The following ARHGAP17 variants were observed in gnomAD, a reference collection of about 807,000 sequenced individuals.
The protein encoded by ARHGAP17 is Rho GTPase activating protein 17.
In ARHGAP17, 57 loss-of-function variants were observed where a neutral mutation model predicts 99.5. The observed-to-expected ratio is 0.57, with a 90% CI of 0.46 to 0.71. ARHGAP17 has a LOEUF of 0.71. Among genes scored for constraint, ARHGAP17 ranks in the 30% least tolerant of loss-of-function variants. The pLI is 0.00. For missense variants in ARHGAP17, 1,000 were observed against 1,122.4 expected (o/e 0.89, Z 1.56); for synonymous variants, 417 against 429.6 (o/e 0.97, Z 0.36).
intron 4 of ARHGAP17, among the ~76,000 whole-genome samples, chr16:24,970,054 T>TAA (rs200930789): frequency 9.8e-5 from 14 of 143,292 alleles, no homozygotes; most frequent in South Asian, 2.3e-4. Flanking sequence ...ATGACAATTG[T>TAA]AAAAAAAAAA....
At chr16:24,930,711 C>A in intron 19 of ARHGAP17, 73 bp downstream of exon 19, 1 of 1,613,594 alleles carries the variant, frequency 6.2e-7, no homozygotes, top group Non-Finnish European at 8.5e-7. Context: ...TAAATCAAAG[C>A]TTAAATAAAA....
At chr16:24,990,142 G>A (rs1303938793) in intron 1 of ARHGAP17, among the ~76,000 whole-genome samples, 1 of 152,120 alleles carries the variant, frequency 6.6e-6, no homozygotes, top group Admixed American at 6.6e-5. Context: ...AAACATTGCA[G>A]CCAACTAAAG....
In ARHGAP17 at chr16:24,935,461, G is replaced by T. The variant is rs777877968; in HGVS notation, c.1894+9C>A. Reference sequence around the variant, plus strand: ...TTCCCTGAGGGCAAGGAGGACGGTGGCTGCTTACCTCGGCGCAGTGTATGC... The same window carrying T: ...TTCCCTGAGGGCAAGGAGGACGGTGTCTGCTTACCTCGGCGCAGTGTATGC... On this transcript the variant is annotated intron_variant, in intron 18 of 19. Transcript: ENST00000289968. The T allele has an allele frequency of 2.8e-5, 45 of 1,579,058 alleles. No individual in the cohort carries two copies. The highest frequency in any genetic ancestry group is 3.8e-5 in the Non-Finnish European group (44 of 1,161,854).
At chr16:24,938,676 G>T (rs2051211640) in intron 17 of ARHGAP17, among the ~76,000 whole-genome samples, 1 of 151,510 alleles carries the variant, frequency 6.6e-6, no homozygotes, top group African/African-American at 2.4e-5. Flanking sequence ...GGAGGCTTAG[G>T]TAGGAGGATT....
At chr16:24,982,966 A>AT (rs1491445062) in intron 1 of ARHGAP17, among the ~76,000 whole-genome samples, 1 of 18,254 alleles carries the variant, frequency 5.5e-5, no homozygotes, top group Non-Finnish European at 1.1e-4. Context: ...TTGATAAATC[A>AT]TATATATATA....
chr16:24,931,513 T>C (rs1032138637), intron 18 of ARHGAP17, 109 bp from the exon 19 acceptor site: 48 of 1,156,258 alleles, frequency 4.2e-5, no homozygotes, highest in Admixed American at 1.0e-4. Flanking sequence ...ACCAGCATCA[T>C]GTACCTCTGA....
chr16:24,926,244 A>T (rs1188845233), intron 19 of ARHGAP17, among the ~76,000 whole-genome samples: 1 of 152,154 alleles, frequency 6.6e-6, no homozygotes, highest in Admixed American at 6.6e-5. Context: ...CCATTTCTCA[A>T]GAGTTTTAAT....
chr16:24,977,132 C>T (rs2052542541), intron 3 of ARHGAP17, 83 bp downstream of exon 3: 1 of 1,163,802 alleles, frequency 8.6e-7, no homozygotes, highest in Non-Finnish European at 1.1e-6. Context: ...ACTGATGCCA[C>T]TTAGGACAAC....
intron 1 of ARHGAP17, among the ~76,000 whole-genome samples, chr16:24,985,960 A>G (rs1455141355): frequency 1.3e-5 from 2 of 152,178 alleles, no homozygotes; most frequent in African/African-American, 2.4e-5. Context: ...ACATTAACCT[A>G]TTCTGTGGAT....
intron 1 of ARHGAP17, among the ~76,000 whole-genome samples, chr16:24,986,223 C>T (rs1449562078): frequency 6.6e-6 from 1 of 152,204 alleles, no homozygotes; most frequent in Non-Finnish European, 1.5e-5. Context: ...ATTCTCACAT[C>T]AACCCTATTG....
chr16:24,927,706 T>G (rs1365528667), intron 19 of ARHGAP17: 58 of 1,223,830 alleles, frequency 4.7e-5, no homozygotes, highest in Non-Finnish European at 4.2e-6. Flanking sequence ...CAATCTCAGT[T>G]CTTACTGAAT....
chr16:24,920,138 C>T lies in ARHGAP17; in HGVS notation c.2638G>A (p.Ala880Thr), dbSNP rs1348191228. 1.9e-6 allele frequency: 3 copies of T among 1,613,786 alleles called. No individual in the cohort carries two copies. Among genetic ancestry groups the T allele is most frequent in the Non-Finnish European group, 2.5e-6 (3 of 1,179,922 alleles). ...LDIDNDTEST[A>T]L Reference sequence around the variant, plus strand: ...CTGGGAAAGGGCTTTCTTCACAGGGCAGTGCTCTCGGTATCATTGTCTATA... The same window carrying T: ...CTGGGAAAGGGCTTTCTTCACAGGGTAGTGCTCTCGGTATCATTGTCTATA... Residue 880 changes from alanine (A) to threonine (T), a missense_variant, in exon 20 of 20, where the codon GCC becomes ACC. Physicochemically the swap from Ala to Thr is moderately conservative, Grantham distance 58 (BLOSUM62 0). Around this residue, in one of 2 missense-constraint regions of ARHGAP17, gnomAD observed 528 missense variants for 511.4 expected, o/e 1.03. Transcript: ENST00000289968.
At chr16:25,000,354 G>A (rs77678285) in intron 1 of ARHGAP17, among the ~76,000 whole-genome samples, 4,340 of 152,178 alleles carry the variant, frequency 0.029, 191 homozygotes, top group African/African-American at 0.097. Flanking sequence ...ACAGACGCAC[G>A]AGGTGCACAT....
At chr16:24,979,624 A>C (rs2052615084) in intron 1 of ARHGAP17, among the ~76,000 whole-genome samples, 1 of 152,064 alleles carries the variant, frequency 6.6e-6, no homozygotes, top group Non-Finnish European at 1.5e-5. Context: ...CCTTCCATTA[A>C]ACCAACACGG....
Position 24,935,323 on chromosome 16 carries a change from T to C in ARHGAP17, c.1894+147A>G, listed in dbSNP as rs560703864. On this transcript the variant is annotated intron_variant, in intron 18 of 19. Coordinates refer to ENST00000289968, the MANE Select transcript of ARHGAP17 (RefSeq NM_001006634.3). Reference sequence around the variant, plus strand: ...TTTTTCCTTTTTCTTTAATGACTTTTCTCTTGAATGACTGAATTTTCTGCT... The same window carrying C: ...TTTTTCCTTTTTCTTTAATGACTTTCCTCTTGAATGACTGAATTTTCTGCT... The C allele has an allele frequency of 7.7e-6, 8 of 1,032,324 alleles. No homozygotes were observed. In the East Asian group the frequency reaches 2.1e-4, roughly 27 times the overall value. The allele number at this position is 1,032,324 out of a possible 1,614,324, so 63.9% of individuals were successfully genotyped here.
At chr16:24,931,691 TCA>T (rs1262373285) in intron 18 of ARHGAP17, among the ~76,000 whole-genome samples, 2 of 152,020 alleles carry the variant, frequency 1.3e-5, no homozygotes, top group African/African-American at 4.8e-5. Flanking sequence ...GGAGAACATG[TCA>T]CAGACAGCAG....
At chr16:24,942,177 A>G in intron 15 of ARHGAP17, 34 bp from the exon 16 acceptor site, 6 of 1,580,992 alleles carry the variant, frequency 3.8e-6, no homozygotes, top group Non-Finnish European at 5.2e-6. Context: ...TGCATGAGAC[A>G]CTGAGCACAG....
chr16:24,941,804 T>C (rs2141187922), intron 16 of ARHGAP17, 183 bp downstream of exon 16: 1 of 737,960 alleles, frequency 1.4e-6, no homozygotes, highest in Non-Finnish European at 2.2e-6. Context: ...AGCTACACAC[T>C]GACTTTATGG....
At chr16:25,005,001 G>A (rs1201177305) in intron 1 of ARHGAP17, among the ~76,000 whole-genome samples, 2 of 152,178 alleles carry the variant, frequency 1.3e-5, no homozygotes, top group Non-Finnish European at 2.9e-5. Context: ...TGCAACCTCG[G>A]CCTCCTGGGT....
Sources: gnomAD v4.1 joint callset for allele counts (sites outside exome capture counted in the v4.1 genomes callset) on GRCh38, gnomAD v4.1.1 for gene constraint, gnomAD v4.1.1 regional missense constraint, MANE v1.5 for transcripts, NCBI Gene and HGNC (gene_info 2026-07-23, HGNC 2026-07-21) for gene names.